Variants in TBC1D15 observed in about 807,000 individuals in gnomAD.
TBC1D15 encodes the protein TBC1 domain family member 15.
Under a neutral mutation model 95.4 loss-of-function variants are expected in TBC1D15, and 39 were observed. The ratio of observed to expected loss-of-function variants is 0.41; its 90% CI spans 0.32 to 0.53. TBC1D15 has a LOEUF of 0.53. Among genes scored for constraint, TBC1D15 ranks in the 20% least tolerant of loss-of-function variants. The pLI is 0.29. For synonymous variants in TBC1D15, 258 were observed against 261.3 expected (o/e 0.99, Z 0.12); for missense variants, 733 against 794.3 (o/e 0.92, Z 0.93).
chr12:71,841,848 C>CATA (rs906169628), intron 1 of TBC1D15, among the ~76,000 whole-genome samples: 16 of 151,780 alleles, frequency 1.1e-4, no homozygotes, highest in Non-Finnish European at 1.8e-4. Flanking sequence ...TTATCGTCAG[C>CATA]ATAATAATAA....
intron 11 of TBC1D15, chr12:71,913,220 A>T (rs957684225): frequency 6.6e-6 from 1 of 152,114 alleles, no homozygotes; most frequent in African/African-American, 2.4e-5. Flanking sequence ...AAAAAAAGAA[A>T]GAAGGACGTA....
At chr12:71,905,070 A>C (rs1469196289) in intron 10 of TBC1D15, among the ~76,000 whole-genome samples, 1 of 152,206 alleles carries the variant, frequency 6.6e-6, no homozygotes, top group Non-Finnish European at 1.5e-5. Context: ...GGTTTCTAGA[A>C]ATAATTATAA....
At chr12:71,861,735 G>T (rs1890415576) in intron 1 of TBC1D15, among the ~76,000 whole-genome samples, 1 of 145,580 alleles carries the variant, frequency 6.9e-6, no homozygotes, top group African/African-American at 2.5e-5. Context: ...ACTTGTATTT[G>T]GTTTGTTATT....
intron 1 of TBC1D15, among the ~76,000 whole-genome samples, 154 bp downstream of exon 1, chr12:71,839,965 T>C (rs1197245391): frequency 3.9e-5 from 6 of 152,152 alleles, no homozygotes; most frequent in Non-Finnish European, 7.4e-5. Context: ...CCAGCTGGTT[T>C]CCCGAGAATG....
At chr12:71,906,899 T>C in intron 10 of TBC1D15, 123 bp from the exon 11 acceptor site, 1 of 502,432 alleles carries the variant, frequency 2.0e-6, no homozygotes, top group Non-Finnish European at 3.4e-6. Context: ...TTTTTCTTCA[T>C]TAAGTAAAGC....
chr12:71,908,576 T>G (rs1037133138), intron 11 of TBC1D15, among the ~76,000 whole-genome samples: 9 of 152,182 alleles, frequency 5.9e-5, no homozygotes, highest in African/African-American at 2.2e-4. Flanking sequence ...ATAATCTCTG[T>G]TTTGATCTTG....
intron 12 of TBC1D15, among the ~76,000 whole-genome samples, chr12:71,917,157 G>A (rs918115762): frequency 6.6e-6 from 1 of 152,100 alleles, no homozygotes; most frequent in African/African-American, 2.4e-5. Context: ...GTCTTTTGGA[G>A]TATCACACAT....
intron 1 of TBC1D15, among the ~76,000 whole-genome samples, chr12:71,867,140 G>A (rs1441813111): frequency 2.6e-5 from 4 of 152,208 alleles, no homozygotes; most frequent in African/African-American, 9.7e-5. Flanking sequence ...TTTGTTTAAA[G>A]GCCAAATGCT....
intron 3 of TBC1D15, among the ~76,000 whole-genome samples, chr12:71,880,177 A>G (rs1894837990): frequency 6.6e-6 from 1 of 152,124 alleles, no homozygotes; most frequent in African/African-American, 2.4e-5. Context: ...AGCAGGAAAA[A>G]GGAAAAAAAG....
intron 11 of TBC1D15, among the ~76,000 whole-genome samples, chr12:71,910,970 A>G (rs1902112920): frequency 6.6e-6 from 1 of 152,194 alleles, no homozygotes; most frequent in Admixed American, 6.5e-5. Flanking sequence ...AAGGACATGA[A>G]CAGACACTTC....
chr12:71,878,212 A>G (rs577613352), intron 3 of TBC1D15, among the ~76,000 whole-genome samples: 1 of 152,208 alleles, frequency 6.6e-6, no homozygotes, highest in South Asian at 2.1e-4. Flanking sequence ...AATTCTCCTG[A>G]TTTCAGTATA....
At chr12:71,852,718 G>A (rs1888126501) in intron 1 of TBC1D15, among the ~76,000 whole-genome samples, 1 of 152,170 alleles carries the variant, frequency 6.6e-6, no homozygotes, top group South Asian at 2.1e-4. Flanking sequence ...GCACAGTGCA[G>A]CCAGGCTGTT....
At chr12:71,911,684 T>C in intron 11 of TBC1D15, among the ~76,000 whole-genome samples, 1 of 149,008 alleles carries the variant, frequency 6.7e-6, no homozygotes, top group East Asian at 2.1e-4. Flanking sequence ...AATGATGAAT[T>C]AATGGGTGCA....
Position 71,917,712 on chromosome 12 carries a change from A to C in TBC1D15, c.1416A>C (p.Glu472Asp). The change falls in exon 13 of 17, where the codon GAA becomes GAC. Residue 472 changes from glutamate to aspartate, a missense_variant. Physicochemically the swap from Glu to Asp is conservative, Grantham distance 45. Transcript: ENST00000485960. Reference protein sequence around the residue: ...SYMDQMHQNFEEQMQGMKTQL... With the variant: ...SYMDQMHQNFDEQMQGMKTQL... ...TCCTTTTAAAGCATCAGAATTTTGA[A>C]GAACAAATGCAAGGCATGAAGACCC... is the stretch of plus-strand genomic sequence containing the variant. The C allele has an allele frequency of 6.2e-7, 1 of 1,609,540 alleles. No individual in the cohort carries two copies. Among genetic ancestry groups the C allele is most frequent in the African/African-American group, 1.3e-5 (1 of 74,980 alleles).
rs1440964456 is a variant in TBC1D15, at chr12:71,923,201, A to C, written c.2022A>C (p.Ala674=). The C allele has an allele frequency of 6.2e-7, 1 of 1,613,906 alleles. No individual in the cohort carries two copies. ...VSSDVCRLTP[A] ...CAGATGTCTGCAGATTAACACCTGCATGATCACTGTTCTTGCTTTTTTGGG... is the reference window on the plus strand; with the variant it reads ...CAGATGTCTGCAGATTAACACCTGCCTGATCACTGTTCTTGCTTTTTTGGG... The change falls in exon 17 of 17, where the codon GCA becomes GCC. Residue 674 remains alanine (A), a synonymous_variant. Coordinates refer to ENST00000485960, the MANE Select transcript of TBC1D15 (RefSeq NM_001146213.3).
intron 1 of TBC1D15, among the ~76,000 whole-genome samples, chr12:71,868,430 T>G (rs1254323361): frequency 6.6e-6 from 1 of 151,996 alleles, no homozygotes; most frequent in Non-Finnish European, 1.5e-5. Context: ...TATTTTTTAG[T>G]AGAGACGAGG....
At chr12:71,899,644 G>A (rs1010271780) in intron 10 of TBC1D15, among the ~76,000 whole-genome samples, 11 of 152,142 alleles carry the variant, frequency 7.2e-5, no homozygotes, top group African/African-American at 2.7e-4. Context: ...AGTATGATGA[G>A]ACTCTATTGG....
In TBC1D15 at chr12:71,884,969, G is replaced by A. The variant is rs200459507; in HGVS notation, c.502G>A (p.Gly168Arg). 5.6e-6 allele frequency: 9 copies of A among 1,613,924 alleles called. No individual in the cohort carries two copies. The highest frequency in any genetic ancestry group is 2.2e-5 in the East Asian group (1 of 44,858). The change falls in exon 5 of 17, where the codon GGA (glycine) becomes AGA (arginine). Residue 168 changes from glycine to arginine, a missense_variant. Coordinates refer to ENST00000485960, the MANE Select transcript of TBC1D15 (RefSeq NM_001146213.3). ...TCTCCCTGCTCTACACTTTCATCAA[G>A]GAGATAGCAAACTACTGATTGAATC... ...VVLPALHFHQ[G>R]DSKLLIESLE...
chr12:71,888,618 G>C (rs1896688959), intron 5 of TBC1D15, among the ~76,000 whole-genome samples: 1 of 152,120 alleles, frequency 6.6e-6, no homozygotes, highest in Admixed American at 6.5e-5. Context: ...TCCTAATGAG[G>C]ACAGGCCACT....
Sources: allele counts gnomAD v4.1 joint callset (sites outside exome capture counted in the v4.1 genomes callset), GRCh38; gene constraint gnomAD v4.1.1; transcripts MANE v1.5; gene names NCBI Gene and HGNC (gene_info 2026-07-23, HGNC 2026-07-21).